Variants in PTPRK observed in about 807,000 individuals in gnomAD.
PTPRK encodes the protein protein tyrosine phosphatase receptor type K.
Under a neutral mutation model 178.0 loss-of-function variants are expected in PTPRK, and 75 were observed. That is an observed-to-expected ratio of 0.42 (90% CI 0.35 to 0.51). The LOEUF is 0.51. Among genes scored for constraint, PTPRK ranks in the 20% least tolerant of loss-of-function variants. The pLI is 0.02. For synonymous variants in PTPRK, 637 were observed against 620.6 expected (o/e 1.03, Z -0.39); for missense variants, 1,441 against 1,797.8 (o/e 0.80, Z 3.59).
intron 13 of PTPRK, among the ~76,000 whole-genome samples, chr6:128,030,184 T>C (rs952955162): frequency 6.6e-6 from 1 of 152,130 alleles, no homozygotes; most frequent in African/African-American, 2.4e-5. Context: ...GTTTTTCAGC[T>C]ACAAGTGATT....
At chr6:128,509,218 C>T (rs777473627) in intron 1 of PTPRK, among the ~76,000 whole-genome samples, 17 of 152,046 alleles carry the variant, frequency 1.1e-4, no homozygotes, top group African/African-American at 2.4e-4. Context: ...AGACGTCTAC[C>T]GGGCACCTTG....
chr6:128,374,041 G>A (rs1375529405), intron 2 of PTPRK, among the ~76,000 whole-genome samples: 1 of 151,998 alleles, frequency 6.6e-6, no homozygotes, highest in African/African-American at 2.4e-5. Context: ...CTCACACCTT[G>A]TTTGTTATTT....
chr6:128,469,052 G>A (rs78144166), intron 1 of PTPRK, among the ~76,000 whole-genome samples: 4,439 of 151,856 alleles, frequency 0.029, 86 homozygotes, highest in Non-Finnish European at 0.041. Flanking sequence ...TGATAGCAAC[G>A]ATAAATGTAC....
chr6:128,079,722 T>A (rs960994330), intron 10 of PTPRK, among the ~76,000 whole-genome samples: 10 of 152,030 alleles, frequency 6.6e-5, no homozygotes, highest in Non-Finnish European at 1.3e-4. Context: ...ATGCTATGAA[T>A]ATAAAGACAA....
At chr6:128,019,884 G>A (rs531852445) in intron 13 of PTPRK, among the ~76,000 whole-genome samples, 34 of 152,242 alleles carry the variant, frequency 2.2e-4, no homozygotes, top group African/African-American at 5.1e-4. Context: ...AAGAAGACAC[G>A]GAGGTAGATG....
intron 7 of PTPRK, among the ~76,000 whole-genome samples, chr6:128,176,244 T>C (rs549835763): frequency 3.4e-4 from 51 of 152,018 alleles, no homozygotes; most frequent in Admixed American, 1.3e-3. Flanking sequence ...TTAGTAAATT[T>C]TGGGTAGGTT....
intron 3 of PTPRK, among the ~76,000 whole-genome samples, chr6:128,243,979 G>A (rs1043666744): frequency 1.3e-5 from 2 of 152,080 alleles, no homozygotes; most frequent in African/African-American, 2.4e-5. Flanking sequence ...GGTGAGATGA[G>A]AAGAAAAAGG....
chr6:128,010,230 C>T lies in PTPRK; in HGVS notation c.2195-962G>A, dbSNP rs77732795. Among the ~76,000 whole-genome samples the T allele has an allele frequency of 8.5e-3, 1,294 of 151,386 alleles. 12 individuals are homozygous for T. Among genetic ancestry groups the T allele is most frequent in the Admixed American group, 0.016 (240 of 15,138 alleles). On this transcript the variant is annotated intron_variant, in intron 13 of 29. Coordinates refer to ENST00000368226, the MANE Select transcript of PTPRK (RefSeq NM_002844.4). Reference sequence around the variant, plus strand: ...TCTCAATGTCTCCAGATCCATGGCTCCTACTGCTAAAAATTGGTGTAACAA... The same window carrying T: ...TCTCAATGTCTCCAGATCCATGGCTTCTACTGCTAAAAATTGGTGTAACAA...
chr6:128,007,688 G>A (rs7742212), intron 14 of PTPRK, among the ~76,000 whole-genome samples: 80,226 of 150,536 alleles, frequency 0.53, 21,383 homozygotes, highest in Middle Eastern at 0.61. Context: ...AAATAAAACT[G>A]AATAGTTTAG....
intron 7 of PTPRK, among the ~76,000 whole-genome samples, chr6:128,093,155 C>T (rs781387859): frequency 3.1e-4 from 47 of 152,112 alleles, no homozygotes; most frequent in Non-Finnish European, 6.0e-4. Flanking sequence ...CCTCAATTTC[C>T]GATTTTCTTT....
At chr6:128,437,235 T>A (rs922078658) in intron 1 of PTPRK, among the ~76,000 whole-genome samples, 1 of 152,202 alleles carries the variant, frequency 6.6e-6, no homozygotes, top group Non-Finnish European at 1.5e-5. Flanking sequence ...AGTTTGAGAA[T>A]AGGTTTTGCT....
At chr6:128,488,621 T>C (rs1853315035) in intron 1 of PTPRK, among the ~76,000 whole-genome samples, 2 of 152,172 alleles carry the variant, frequency 1.3e-5, no homozygotes. Flanking sequence ...TCACCTTTCT[T>C]GTTGAATATG....
chr6:128,105,948 A>ATT (rs1200970905), intron 7 of PTPRK, among the ~76,000 whole-genome samples: 3 of 152,144 alleles, frequency 2.0e-5, no homozygotes, highest in Non-Finnish European at 4.4e-5. Flanking sequence ...TCACAAGAGT[A>ATT]TTTCCTGGCT....
chr6:128,089,844 C>T lies in PTPRK; in HGVS notation c.1311G>A (p.Glu437=). ...CCATGTCCAAACAGTCTGCCTTGCT[C>T]TCGTTGTGACCACGGAAGTAATGGT... ...ICYHYFRGHN[E]SKADCLDMDP... The change falls in exon 8 of 30, where the codon GAG becomes GAA. Residue 437 remains glutamate (E), a synonymous_variant. Coordinates refer to ENST00000368226, the MANE Select transcript of PTPRK (RefSeq NM_002844.4). 6.2e-7 allele frequency: 1 copy of T among 1,614,130 alleles called. No individual in the cohort carries two copies. The highest frequency in any genetic ancestry group is 8.5e-7 in the Non-Finnish European group (1 of 1,180,000).
chr6:128,067,627 G>T lies in PTPRK; in HGVS notation c.2049C>A (p.Ala683=), dbSNP rs140589416. Residue 683 remains alanine (A), a synonymous_variant, in exon 12 of 30, where the codon GCC becomes GCA. Transcript: ENST00000368226. ...TCCGATTGTCACCCACAGTGAACGG[G>T]GCAGGCTCAGGTAGGTTTCCCGGGG... is the stretch of plus-strand genomic sequence containing the variant. ...ELPPGNLPEP[A]PFTVGDNRTY... The T allele has an allele frequency of 9.9e-6, 16 of 1,613,634 alleles. 1 individual carries two copies. The South Asian group carries it at 1.6e-4, about 17-fold the overall frequency.
intron 7 of PTPRK, 149 bp downstream of exon 7, chr6:128,184,283 C>T: frequency 1.2e-6 from 1 of 816,654 alleles, no homozygotes; most frequent in Non-Finnish European, 1.9e-6. Flanking sequence ...ATGACATAAT[C>T]AAGGTGATGA....
intron 7 of PTPRK, among the ~76,000 whole-genome samples, chr6:128,151,573 T>C (rs944867871): frequency 6.6e-6 from 1 of 151,838 alleles, no homozygotes; most frequent in Admixed American, 6.6e-5. Context: ...AAAAAAAGTG[T>C]GCACACACAC....
chr6:128,518,310 A>T (rs1414759176), intron 1 of PTPRK, among the ~76,000 whole-genome samples: 1 of 152,226 alleles, frequency 6.6e-6, no homozygotes, highest in Non-Finnish European at 1.5e-5. Flanking sequence ...CTAAGAACAC[A>T]ATTGTTTATT....
intron 1 of PTPRK, among the ~76,000 whole-genome samples, chr6:128,406,285 T>C (rs567290373): frequency 1.3e-5 from 2 of 151,720 alleles, no homozygotes; most frequent in South Asian, 4.1e-4. Context: ...TATATAAAAC[T>C]TTATCTTCCT....
Sources: allele counts gnomAD v4.1 joint callset (sites outside exome capture counted in the v4.1 genomes callset), GRCh38; gene constraint gnomAD v4.1.1; transcripts MANE v1.5; gene names NCBI Gene and HGNC (gene_info 2026-07-23, HGNC 2026-07-21).